RPN2: variants seen among roughly 807,000 people sequenced by gnomAD.
RPN2 encodes the protein ribophorin II.
In RPN2, 29 loss-of-function variants were observed where a neutral mutation model predicts 71.4. The ratio of observed to expected loss-of-function variants is 0.41; its 90% CI spans 0.30 to 0.55. The LOEUF is 0.55. Ranked by LOEUF, RPN2 falls within the 20% of genes least tolerant of loss-of-function variation. The pLI is 0.35. For synonymous variants in RPN2, 308 were observed against 305.0 expected, an observed-to-expected ratio of 1.01 and a Z score of -0.10; for missense variants, 726 against 774.1, an observed-to-expected ratio of 0.94 and a Z score of 0.74.
rs6103999 is a variant in RPN2 at position 37,195,551 on chromosome 20, G to T, written c.208-2846G>T. 3.9e-5 allele frequency among the ~76,000 whole-genome samples: 6 copies of T among 152,288 alleles called. No individual in the cohort carries two copies. In the East Asian group the frequency reaches 1.2e-3, roughly 29 times the overall value. On this transcript the variant is annotated intron_variant, in intron 2 of 16. Transcript: ENST00000237530. Reference sequence around the variant, plus strand: ...TCAGTTTTCTTACCTGTAAACTTAAGGTGATAAGAGTGCCTGATCCATGAG... The same window carrying T: ...TCAGTTTTCTTACCTGTAAACTTAATGTGATAAGAGTGCCTGATCCATGAG...
chr20:37,235,185 C>T (rs558788990), intron 15 of RPN2, among the ~76,000 whole-genome samples: 10 of 152,194 alleles, frequency 6.6e-5, no homozygotes, highest in African/African-American at 1.2e-4. Context: ...TTAAGAGCCC[C>T]GCTGTAGTTC....
In RPN2 at chr20:37,199,193, T is replaced by C. The variant is rs1330036473; in HGVS notation, c.447T>C (p.Thr149=). ...LASQEALSAL[T]ARLSKEETVL... is the part of the protein sequence containing the mutation. ...CCCAAGAAGCACTCAGTGCCCTTAC[T>C]GCTCGTCTCAGCAAGGAGGAGACTG... The change falls in exon 4 of 17, where the codon ACT becomes ACC. Residue 149 remains threonine, a synonymous_variant. Coordinates refer to ENST00000237530, the MANE Select transcript of RPN2 (RefSeq NM_002951.5). 2 of 1,614,172 alleles carry C rather than the reference T, an allele frequency of 1.2e-6. No homozygotes were observed. The highest frequency in any genetic ancestry group is 4.5e-5 in the East Asian group (2 of 44,890).
chr20:37,238,457 T>A, intron 16 of RPN2: 1 of 1,597,786 alleles, frequency 6.3e-7, no homozygotes, highest in Non-Finnish European at 8.6e-7. Context: ...ACGGTAAAGA[T>A]GAAGGGCGGA....
At chr20:37,234,454 C>T (rs554758663) in intron 15 of RPN2, among the ~76,000 whole-genome samples, 4 of 152,346 alleles carry the variant, frequency 2.6e-5, no homozygotes, top group East Asian at 1.9e-4. Context: ...TCTTTCCCCA[C>T]GCTATCGATC....
rs186661578 is a variant in RPN2, at chr20:37,240,150, T to C, written c.1884-1153T>C. Among the ~76,000 whole-genome samples, 75 of 152,316 alleles carry C rather than the reference T, an allele frequency of 4.9e-4. 1 individual carries two copies. In the East Asian group the frequency reaches 0.014, roughly 29 times the overall value. On this transcript the variant is annotated intron_variant, in intron 16 of 16. Transcript: ENST00000237530. ...ACTTGATCATTTGGACATTTGGCAT[T>C]TCCTAGCATTTGAAAGGAAACCCCC...
chr20:37,197,247 C>T (rs907351505), intron 2 of RPN2, among the ~76,000 whole-genome samples: 5 of 152,148 alleles, frequency 3.3e-5, no homozygotes, highest in African/African-American at 1.2e-4. Flanking sequence ...CTGAGAAAAA[C>T]AGGGAACCAC....
chr20:37,230,227 C>T (rs1000603131), intron 13 of RPN2, among the ~76,000 whole-genome samples, 168 bp downstream of exon 13: 1 of 152,206 alleles, frequency 6.6e-6, no homozygotes, highest in Non-Finnish European at 1.5e-5. Context: ...ACTGAGAAAA[C>T]AGGTTTAAAG....
intron 9 of RPN2, among the ~76,000 whole-genome samples, chr20:37,215,141 C>T (rs1195361540): frequency 6.6e-6 from 1 of 152,088 alleles, no homozygotes; most frequent in African/African-American, 2.4e-5. Flanking sequence ...TGGTCCATGA[C>T]TCATTTATCT....
chr20:37,199,828 T>A (rs2067340587), intron 4 of RPN2, among the ~76,000 whole-genome samples: 3 of 152,132 alleles, frequency 2.0e-5, no homozygotes, highest in Admixed American at 2.0e-4. Flanking sequence ...ATAATATATG[T>A]AGTTTTAAAT....
intron 10 of RPN2, 114 bp downstream of exon 10, chr20:37,224,083 A>T: frequency 1.2e-6 from 1 of 840,510 alleles, no homozygotes. Context: ...CATCCAGCTT[A>T]CATCCTAAAT....
intron 9 of RPN2, among the ~76,000 whole-genome samples, chr20:37,218,434 G>A (rs1440005900): frequency 2.0e-5 from 3 of 151,492 alleles, no homozygotes; most frequent in South Asian, 2.1e-4. Context: ...AAGCCTGGGC[G>A]CAGTGGCTCA....
At chr20:37,217,874 C>T (rs1279730439) in intron 9 of RPN2, among the ~76,000 whole-genome samples, 1 of 152,034 alleles carries the variant, frequency 6.6e-6, no homozygotes, top group Non-Finnish European at 1.5e-5. Context: ...GCTGAGATTA[C>T]AGGTACACGC....
chr20:37,234,125 A>G, intron 15 of RPN2, 30 bp downstream of exon 15: 1 of 1,610,422 alleles, frequency 6.2e-7, no homozygotes, highest in Non-Finnish European at 8.5e-7. Context: ...AATTACCTGT[A>G]ACGTCCTCTG....
At chr20:37,184,081 T>C (rs2066944345) in intron 1 of RPN2, 99 bp from the exon 2 acceptor site, 3 of 1,413,692 alleles carry the variant, frequency 2.1e-6, no homozygotes, top group Admixed American at 3.4e-5. Context: ...CCCTTCCCCA[T>C]GTGATTTGGT....
At chr20:37,180,741 C>G (rs1055356152) in intron 1 of RPN2, among the ~76,000 whole-genome samples, 1 of 152,208 alleles carries the variant, frequency 6.6e-6, no homozygotes, top group African/African-American at 2.4e-5. Context: ...CTCATCACTT[C>G]TCATCATGTT....
rs142747067 is a variant in RPN2 at position 37,194,085 on chromosome 20, A to T, written c.208-4312A>T. 3.3e-5 allele frequency among the ~76,000 whole-genome samples: 5 copies of T among 152,204 alleles called. No homozygotes were observed. In the East Asian group the frequency reaches 7.7e-4, roughly 24 times the overall value. On this transcript the variant is annotated intron_variant, in intron 2 of 16. Transcript: ENST00000237530. ...GTGATCGGTCTGTCCATTGTTGAGG[A>T]GTGAGCACTGGAAAATGTCCTCTGC...
At chr20:37,233,681 G>A (rs1174534897) in intron 14 of RPN2, among the ~76,000 whole-genome samples, 1 of 152,110 alleles carries the variant, frequency 6.6e-6, no homozygotes, top group African/African-American at 2.4e-5. Flanking sequence ...ACTTAGTGGG[G>A]GTGTCAGTTA....
chr20:37,212,941 T>C (rs1479362549), intron 8 of RPN2, among the ~76,000 whole-genome samples: 4 of 152,168 alleles, frequency 2.6e-5, no homozygotes, highest in Non-Finnish European at 5.9e-5. Flanking sequence ...GTAAAAGACA[T>C]TGAGATTTTA....
chr20:37,207,122 G>A (rs1253629006), intron 6 of RPN2, 151 bp from the exon 7 acceptor site: 2 of 666,224 alleles, frequency 3.0e-6, no homozygotes, highest in South Asian at 3.3e-5. Context: ...CAGAATATTT[G>A]CGTTTTCTCC....
Sources: gnomAD v4.1 joint callset for allele counts (sites outside exome capture counted in the v4.1 genomes callset) on GRCh38, gnomAD v4.1.1 for gene constraint, MANE v1.5 for transcripts, NCBI Gene and HGNC (gene_info 2026-07-23, HGNC 2026-07-21) for gene names.